The following DENND4A variants were observed in gnomAD, a reference collection of about 807,000 sequenced individuals.
DENND4A encodes DENN domain containing 4A, also known as C-myc promoter-binding protein.
A neutral mutation model predicts 199.3 loss-of-function variants in DENND4A; 70 were observed. That is an observed-to-expected ratio of 0.35 (90% CI 0.29 to 0.43). The LOEUF is 0.43. Ranked by LOEUF, DENND4A falls within the 20% of genes least tolerant of loss-of-function variation. DENND4A has a pLI of 1.00. For missense variants in DENND4A, 1,723 were observed against 2,255.8 expected, an observed-to-expected ratio of 0.76 and a Z score of 4.78; for synonymous variants, 686 against 766.9, an observed-to-expected ratio of 0.89 and a Z score of 1.74.
intron 3 of DENND4A, among the ~76,000 whole-genome samples, chr15:65,753,122 A>C (rs1390276051): frequency 6.6e-6 from 1 of 152,124 alleles, no homozygotes; most frequent in Non-Finnish European, 1.5e-5. Flanking sequence ...CTTAATCAAA[A>C]GTCTGGGTGA....
chr15:65,701,896 A>C lies in DENND4A; in HGVS notation c.2431-6T>G. On this transcript the variant is annotated splice_polypyrimidine_tract_variant and splice_region_variant and intron_variant, in intron 17 of 32. Transcript: ENST00000443035. Reference sequence around the variant, plus strand: ...ATAAGAATGCGGTAGCATACCTGAAATACAAGTTCAAAATTGTACCGAAAC... The same window carrying C: ...ATAAGAATGCGGTAGCATACCTGAACTACAAGTTCAAAATTGTACCGAAAC... 6.2e-7 allele frequency: 1 copy of C among 1,613,690 alleles called. No homozygotes were observed.
intron 23 of DENND4A, among the ~76,000 whole-genome samples, chr15:65,685,408 G>A (rs978517388): frequency 6.6e-6 from 1 of 152,160 alleles, no homozygotes; most frequent in South Asian, 2.1e-4. Context: ...TTACAGGCGT[G>A]AGCCACCGCC....
chr15:65,732,579 T>C (rs1214767983), intron 8 of DENND4A, among the ~76,000 whole-genome samples, 173 bp downstream of exon 8: 1 of 152,134 alleles, frequency 6.6e-6, no homozygotes, highest in Non-Finnish European at 1.5e-5. Flanking sequence ...AGGAGATGTC[T>C]GGGAGGAGTT....
At chr15:65,771,331 A>G in intron 1 of DENND4A, 2 of 1,588,414 alleles carry the variant, frequency 1.3e-6, no homozygotes, top group Non-Finnish European at 1.7e-6. Context: ...TATTTCGAAT[A>G]TTAGTCACAT....
At chr15:65,718,126 A>T (rs752593117) in intron 12 of DENND4A, 130 bp from the exon 13 acceptor site, 8 of 672,344 alleles carry the variant, frequency 1.2e-5, no homozygotes, top group Non-Finnish European at 1.9e-5. Context: ...ACTTAATCAT[A>T]CGTAAACCTT....
intron 24 of DENND4A, among the ~76,000 whole-genome samples, chr15:65,673,270 C>T (rs1462077954): frequency 6.6e-6 from 1 of 151,744 alleles, no homozygotes; most frequent in Non-Finnish European, 1.5e-5. Flanking sequence ...GAGTTTGAGA[C>T]CAGCCTGGGC....
intron 14 of DENND4A, among the ~76,000 whole-genome samples, chr15:65,712,639 A>C (rs910864614): frequency 6.6e-6 from 1 of 152,140 alleles, no homozygotes; most frequent in Non-Finnish European, 1.5e-5. Context: ...TACATATTTA[A>C]CAATCAGTAA....
intron 1 of DENND4A, among the ~76,000 whole-genome samples, chr15:65,783,529 G>A (rs941390148): frequency 1.4e-4 from 22 of 152,146 alleles, no homozygotes; most frequent in Admixed American, 6.6e-5. Flanking sequence ...ACAGCAATGA[G>A]CACACTGAGT....
At chr15:65,729,737 TA>T in intron 9 of DENND4A, 59 bp from the exon 10 acceptor site, 2 of 1,467,906 alleles carry the variant, frequency 1.4e-6, no homozygotes. Context: ...CCTCATTATC[TA>T]AAACAATGGG....
chr15:65,738,045 G>A (rs1473753607), intron 6 of DENND4A, 100 bp from the exon 7 acceptor site: 3 of 1,175,066 alleles, frequency 2.6e-6, no homozygotes, highest in Non-Finnish European at 3.5e-6. Flanking sequence ...TGAGCCAGGT[G>A]AGAGGCCAGG....
chr15:65,791,593 C>A (rs1333067360), intron 1 of DENND4A, among the ~76,000 whole-genome samples: 16 of 152,146 alleles, frequency 1.1e-4, no homozygotes, highest in Admixed American at 1.0e-3. Context: ...GCACCCCGGG[C>A]TCCCCCCGCC....
chr15:65,702,555 G>C (rs1266012473), intron 16 of DENND4A, 44 bp from the exon 17 acceptor site: 1 of 1,475,276 alleles, frequency 6.8e-7, no homozygotes, highest in East Asian at 2.5e-5. Context: ...TATGCACTTA[G>C]GCATCTTTAT....
At chr15:65,682,778 T>A (rs1265364983) in intron 23 of DENND4A, among the ~76,000 whole-genome samples, 1 of 152,202 alleles carries the variant, frequency 6.6e-6, no homozygotes, top group African/African-American at 2.4e-5. Flanking sequence ...GTGAACACTT[T>A]AGAAGCCACT....
intron 1 of DENND4A, among the ~76,000 whole-genome samples, chr15:65,781,541 G>T (rs1398111003): frequency 6.6e-6 from 1 of 152,164 alleles, no homozygotes; most frequent in East Asian, 1.9e-4. Flanking sequence ...ATAAATGGAT[G>T]TAAGGAATGA....
At chr15:65,743,975 T>C (rs1349373707) in intron 4 of DENND4A, among the ~76,000 whole-genome samples, 1 of 152,130 alleles carries the variant, frequency 6.6e-6, no homozygotes, top group African/African-American at 2.4e-5. Flanking sequence ...AGAGGCATTA[T>C]CTGACATACA....
chr15:65,694,888 T>G (rs2077091474), intron 22 of DENND4A, among the ~76,000 whole-genome samples: 1 of 152,150 alleles, frequency 6.6e-6, no homozygotes, highest in South Asian at 2.1e-4. Flanking sequence ...CTTATTATTC[T>G]GACAAAATGT....
chr15:65,695,916 AATAAT>A (rs2077129074), intron 22 of DENND4A, among the ~76,000 whole-genome samples: 1 of 152,032 alleles, frequency 6.6e-6, no homozygotes, highest in African/African-American at 2.4e-5. Context: ...TATTATATAA[AATAAT>A]ATATAAGAAG....
At chr15:65,746,369 C>CTCTCTTTTTTTTT (rs2076392238) in intron 4 of DENND4A, among the ~76,000 whole-genome samples, 2 of 51,270 alleles carry the variant, frequency 3.9e-5, no homozygotes, top group Admixed American at 3.4e-4. Flanking sequence ...ACTTTTTTCT[C>CTCTCTTTTTTTTT]TTTTTTTTTT....
At chr15:65,715,702 T>C in intron 13 of DENND4A, 79 bp from the exon 14 acceptor site, 2 of 1,363,228 alleles carry the variant, frequency 1.5e-6, no homozygotes, top group Non-Finnish European at 9.8e-7. Context: ...AGAAAGAATC[T>C]GAACAACCAT....
Sources: gnomAD v4.1 joint callset for allele counts (sites outside exome capture counted in the v4.1 genomes callset) on GRCh38, gnomAD v4.1.1 for gene constraint, MANE v1.5 for transcripts, NCBI Gene and HGNC (gene_info 2026-07-23, HGNC 2026-07-21) for gene names.